Variants in CADM2 observed in about 807,000 individuals in gnomAD.
The protein encoded by CADM2 is immunoglobulin superfamily member 4D.
CADM2 carries 12 observed loss-of-function variants against 49.8 expected under a neutral mutation model. The observed-to-expected ratio is 0.24, with a 90% CI of 0.15 to 0.39. CADM2 has a LOEUF of 0.39. Among genes scored for constraint, CADM2 ranks in the 10% least tolerant of loss-of-function variants. CADM2 has a pLI of 1.00. For synonymous variants in CADM2, 214 were observed against 175.4 expected (o/e 1.22, Z -1.74); for missense variants, 378 against 492.3 (o/e 0.77, Z 2.20).
chr3:85,622,071 G>T (rs549694094), intron 1 of CADM2, among the ~76,000 whole-genome samples: 9 of 152,254 alleles, frequency 5.9e-5, no homozygotes, highest in African/African-American at 2.2e-4. Context: ...GCAAACAATT[G>T]CTTACCTTAT....
At chr3:85,761,667 G>C (rs1289238129) in intron 2 of CADM2, among the ~76,000 whole-genome samples, 1 of 151,946 alleles carries the variant, frequency 6.6e-6, no homozygotes, top group Non-Finnish European at 1.5e-5. Flanking sequence ...GAGCCACCAC[G>C]CCTGGCCACA....
In CADM2 at chr3:85,517,705, A is replaced by G. The variant is rs2060937662; in HGVS notation, c.62-208817A>G. On this transcript the variant is annotated intron_variant, in intron 1 of 9. Coordinates refer to ENST00000383699, the MANE Select transcript of CADM2 (RefSeq NM_001167675.2). ...TTTCCCCATTAGTTTAATTAAAAAT[A>G]TATGAAGACAACTAGAATAATAAAA... Among the ~76,000 whole-genome samples, 5 of 152,212 alleles carry G rather than the reference A, an allele frequency of 3.3e-5. No homozygotes were observed. The South Asian group carries it at 8.3e-4, about 25-fold the overall frequency.
At chr3:86,036,555 C>T (rs1735191972) in intron 8 of CADM2, among the ~76,000 whole-genome samples, 2 of 152,096 alleles carry the variant, frequency 1.3e-5, no homozygotes, top group Non-Finnish European at 2.9e-5. Flanking sequence ...TGAATTATCA[C>T]ATGTCCACCT....
chr3:85,866,139 A>AAAT (rs1030375304), intron 3 of CADM2, among the ~76,000 whole-genome samples: 8 of 152,070 alleles, frequency 5.3e-5, no homozygotes, highest in Non-Finnish European at 1.2e-4. Context: ...CCATCTTAAA[A>AAAT]AATAATAATA....
rs187117346 is a variant in CADM2, at chr3:85,381,014, T to C, written c.62-345508T>C. On this transcript the variant is annotated intron_variant, in intron 1 of 9. Transcript: ENST00000383699. ...ATATTTTAGAAGAGAAACACAAAGT[T>C]AGAAAGTGTAGCTATGAAATCGTTA... Among the ~76,000 whole-genome samples the C allele has an allele frequency of 2.8e-3, 423 of 152,206 alleles. 1 individual carries two copies. The highest frequency in any genetic ancestry group is 4.3e-3 in the Non-Finnish European group (295 of 67,960).
chr3:85,766,788 A>G (rs1345583674), intron 2 of CADM2, among the ~76,000 whole-genome samples: 1 of 152,164 alleles, frequency 6.6e-6, no homozygotes, highest in African/African-American at 2.4e-5. Flanking sequence ...ATTGTTGAAT[A>G]GCAGGAGAAA....
At chr3:85,969,072 GCTTAGA>G (rs1239790735) in intron 8 of CADM2, among the ~76,000 whole-genome samples, 1 of 151,206 alleles carries the variant, frequency 6.6e-6, no homozygotes, top group Non-Finnish European at 1.5e-5. Flanking sequence ...ATCCTCTCTG[GCTTAGA>G]CTAGGGTCCC....
rs368241736 is a variant in CADM2 at position 85,025,912 on chromosome 3, G to T, written c.61+66244G>T. 1.1e-4 allele frequency among the ~76,000 whole-genome samples: 17 copies of T among 152,080 alleles called. No individual in the cohort carries two copies. In the South Asian group the frequency reaches 3.3e-3, roughly 30 times the overall value. ...TCTTTTAGTGGGTGAGAAAAATTAGGTCCATAAACGTGAAATGCCATGCTC... is the reference window on the plus strand; with the variant it reads ...TCTTTTAGTGGGTGAGAAAAATTAGTTCCATAAACGTGAAATGCCATGCTC... On this transcript the variant is annotated intron_variant, in intron 1 of 9. Transcript: ENST00000383699.
chr3:85,544,543 C>T (rs1003253843), intron 1 of CADM2, among the ~76,000 whole-genome samples: 2 of 152,006 alleles, frequency 1.3e-5, no homozygotes, highest in Non-Finnish European at 2.9e-5. Context: ...CGCCACTGCA[C>T]TCCTGCCTGG....
At chr3:85,131,545 T>C (rs2039229906) in intron 1 of CADM2, among the ~76,000 whole-genome samples, 1 of 152,196 alleles carries the variant, frequency 6.6e-6, no homozygotes, top group Non-Finnish European at 1.5e-5. Flanking sequence ...ACAAATGTTT[T>C]CATGCATATT....
chr3:85,642,517 T>C (rs2064754949), intron 1 of CADM2, among the ~76,000 whole-genome samples: 1 of 152,188 alleles, frequency 6.6e-6, no homozygotes, highest in South Asian at 2.1e-4. Flanking sequence ...GTTGTCACTT[T>C]TCATTGAAAT....
intron 1 of CADM2, among the ~76,000 whole-genome samples, chr3:85,089,426 C>T (rs1383813909): frequency 2.6e-5 from 4 of 152,052 alleles, no homozygotes; most frequent in Non-Finnish European, 5.9e-5. Context: ...TTCCCCACAT[C>T]CAAGTCATTT....
intron 1 of CADM2, among the ~76,000 whole-genome samples, chr3:85,337,274 A>G (rs1206649075): frequency 6.6e-6 from 1 of 150,722 alleles, no homozygotes; most frequent in East Asian, 1.9e-4. Flanking sequence ...GATGTGTAGC[A>G]CAGTGCAAAT....
At chr3:86,064,259 A>G (rs1441310639) in intron 8 of CADM2, among the ~76,000 whole-genome samples, 4 of 151,792 alleles carry the variant, frequency 2.6e-5, no homozygotes, top group Non-Finnish European at 5.9e-5. Context: ...CCTGTGCCCA[A>G]GTGTTCTCAT....
At chr3:85,819,217 C>T (rs1049049663) in intron 3 of CADM2, among the ~76,000 whole-genome samples, 3 of 152,122 alleles carry the variant, frequency 2.0e-5, no homozygotes, top group African/African-American at 7.2e-5. Flanking sequence ...CTTCTTCCAC[C>T]TTTTCCTGCC....
intron 8 of CADM2, chr3:86,015,251 G>A: frequency 4.6e-6 from 1 of 216,976 alleles, no homozygotes; most frequent in Non-Finnish European, 9.0e-6. Flanking sequence ...CATTGATAAT[G>A]TACCTGTTTA....
At chr3:85,850,663 G>A (rs2075072508) in intron 3 of CADM2, among the ~76,000 whole-genome samples, 1 of 152,054 alleles carries the variant, frequency 6.6e-6, no homozygotes. Context: ...TTCTCTTTGT[G>A]GATTGGAGTA....
At chr3:86,050,752 G>A (rs1264557050) in intron 8 of CADM2, among the ~76,000 whole-genome samples, 3 of 152,138 alleles carry the variant, frequency 2.0e-5, no homozygotes, top group Non-Finnish European at 4.4e-5. Flanking sequence ...GGTCCCACTT[G>A]AGTCACAATT....
intron 1 of CADM2, among the ~76,000 whole-genome samples, chr3:85,045,202 A>C (rs1046499027): frequency 6.6e-6 from 1 of 152,174 alleles, no homozygotes; most frequent in Non-Finnish European, 1.5e-5. Flanking sequence ...CCTGAAGCTG[A>C]ATATGCTATT....
Sources: allele counts gnomAD v4.1 joint callset (sites outside exome capture counted in the v4.1 genomes callset), GRCh38; gene constraint gnomAD v4.1.1; transcripts MANE v1.5; gene names NCBI Gene and HGNC (gene_info 2026-07-23, HGNC 2026-07-21).